The following ABTB3 variants were observed in gnomAD, a reference collection of about 807,000 sequenced individuals.
The protein encoded by ABTB3 is ankyrin repeat- and BTB/POZ domain-containing protein 3.
the ABTB3 span, among the ~76,000 whole-genome samples, chr12:107,444,295 G>A: frequency 8.5e-5 from 13 of 152,270 alleles, no homozygotes; most frequent in African/African-American, 2.6e-4. Flanking sequence ...TGGCATATAA[G>A]TTAGAACCCA....
chr12:107,640,443 C>A, the ABTB3 span: 1 of 1,377,128 alleles, frequency 7.3e-7, no homozygotes, highest in Non-Finnish European at 1.0e-6. Flanking sequence ...AAAGCAGCTG[C>A]ATTATGACTT....
chr12:107,431,608 C>G, the ABTB3 span, among the ~76,000 whole-genome samples: 1 of 152,092 alleles, frequency 6.6e-6, no homozygotes, highest in Non-Finnish European at 1.5e-5. Context: ...AGACTCTGTC[C>G]CCACTACCCG....
At chr12:107,362,816 G>C in the ABTB3 span, among the ~76,000 whole-genome samples, 1 of 151,714 alleles carries the variant, frequency 6.6e-6, no homozygotes, top group East Asian at 1.9e-4. Context: ...TAGCTAATTT[G>C]TACTGAGCAC....
At chr12:107,629,422 C>CA in the ABTB3 span, among the ~76,000 whole-genome samples, 45 of 150,580 alleles carry the variant, frequency 3.0e-4, 1 homozygote, top group East Asian at 9.7e-4. Flanking sequence ...GACCCTGTCT[C>CA]AAAAAAAAAG....
the ABTB3 span, among the ~76,000 whole-genome samples, chr12:107,397,505 T>C: frequency 6.6e-6 from 1 of 152,262 alleles, no homozygotes. Context: ...GTGTTCCTGA[T>C]AGATTTTTGG....
chr12:107,333,849 C>A, the ABTB3 span, among the ~76,000 whole-genome samples: 1 of 152,138 alleles, frequency 6.6e-6, no homozygotes, highest in Non-Finnish European at 1.5e-5. Flanking sequence ...AAAAATAAAT[C>A]AGAGTAAGGG....
the ABTB3 span, chr12:107,618,413 G>A: frequency 1.3e-6 from 2 of 1,573,406 alleles, no homozygotes; most frequent in Non-Finnish European, 1.7e-6. Context: ...GGGCACCATG[G>A]TGCCCCCAGC....
chr12:107,575,954 G>C, the ABTB3 span, among the ~76,000 whole-genome samples: 10 of 152,278 alleles, frequency 6.6e-5, no homozygotes, highest in South Asian at 1.7e-3. Context: ...ACTGAGGCAT[G>C]ACACTTGAAA....
the ABTB3 span, among the ~76,000 whole-genome samples, chr12:107,441,108 G>A: frequency 4.5e-4 from 68 of 152,242 alleles, no homozygotes; most frequent in Non-Finnish European, 6.9e-4. Flanking sequence ...TGTGATTCTC[G>A]AAATCTTAGA....
At chr12:107,382,817 G>A in the ABTB3 span, among the ~76,000 whole-genome samples, 1 of 152,074 alleles carries the variant, frequency 6.6e-6, no homozygotes, top group African/African-American at 2.4e-5. Context: ...GTAGGTGATG[G>A]GTTGAGGGGT....
At chr12:107,443,330 C>T in the ABTB3 span, among the ~76,000 whole-genome samples, 4 of 151,604 alleles carry the variant, frequency 2.6e-5, no homozygotes, top group Non-Finnish European at 2.9e-5. Flanking sequence ...CACTTTGGGG[C>T]GGTCCCTAAG....
At chr12:107,568,656 A>G in the ABTB3 span, among the ~76,000 whole-genome samples, 1 of 152,240 alleles carries the variant, frequency 6.6e-6, no homozygotes, top group Non-Finnish European at 1.5e-5. Context: ...ATCAGAGCAG[A>G]AAGTTTTATT....
the ABTB3 span, among the ~76,000 whole-genome samples, chr12:107,446,708 G>A: frequency 1.4e-3 from 215 of 152,250 alleles, 1 homozygote; most frequent in African/African-American, 5.0e-3. Context: ...CTGGAGAAAA[G>A]AATCATTACA....
the ABTB3 span, among the ~76,000 whole-genome samples, chr12:107,544,710 C>G: frequency 2.0e-5 from 3 of 152,316 alleles, no homozygotes; most frequent in South Asian, 2.1e-4. Flanking sequence ...TTAATAGATC[C>G]TCTCCCCACA....
chr12:107,414,054 G>A, the ABTB3 span, among the ~76,000 whole-genome samples: 1 of 152,176 alleles, frequency 6.6e-6, no homozygotes, highest in African/African-American at 2.4e-5. Context: ...TATGGAAAGA[G>A]TATGTATTAG....
the ABTB3 span, among the ~76,000 whole-genome samples, chr12:107,583,210 T>A: frequency 2.0e-5 from 3 of 152,170 alleles, no homozygotes; most frequent in African/African-American, 7.2e-5. Context: ...AAACAATGCC[T>A]GAAAGGAAAT....
At chr12:107,603,239 C>A in the ABTB3 span, among the ~76,000 whole-genome samples, 1 of 152,182 alleles carries the variant, frequency 6.6e-6, no homozygotes, top group Non-Finnish European at 1.5e-5. Context: ...GCTACAGGAA[C>A]TTTTTTTGCA....
chr12:107,414,866 C>T, the ABTB3 span, among the ~76,000 whole-genome samples: 1 of 152,080 alleles, frequency 6.6e-6, no homozygotes, highest in Non-Finnish European at 1.5e-5. Flanking sequence ...TATAGGTGCA[C>T]ACCACCATGC....
At chr12:107,604,028 G>T in the ABTB3 span, among the ~76,000 whole-genome samples, 1 of 152,074 alleles carries the variant, frequency 6.6e-6, no homozygotes, top group African/African-American at 2.4e-5. Context: ...AATTAGCCAG[G>T]TGTGGTGGCG....
Sources: allele counts gnomAD v4.1 joint callset (sites outside exome capture counted in the v4.1 genomes callset), GRCh38; gene constraint gnomAD v4.1.1; transcripts MANE v1.5; gene names NCBI Gene and HGNC (gene_info 2026-07-23, HGNC 2026-07-21).